CLYBL: variants seen among roughly 807,000 people sequenced by gnomAD.
CLYBL encodes citramalyl-CoA lyase, mitochondrial.
Under a neutral mutation model 38.9 loss-of-function variants are expected in CLYBL, and 31 were observed. The observed-to-expected ratio is 0.80, with a 90% CI of 0.60 to 1.08. CLYBL has a LOEUF of 1.08. CLYBL is among the 50% of genes least tolerant of loss of function. The probability of loss-of-function intolerance (pLI) is 0.00; values close to 1 mark genes in which losing one functional copy is unlikely to be tolerated. For synonymous variants in CLYBL, 171 were observed against 158.6 expected (o/e 1.08, Z -0.59); for missense variants, 434 against 411.6 (o/e 1.05, Z -0.47).
At chr13:99,695,739 GA>G (rs1177142726) in intron 1 of CLYBL, among the ~76,000 whole-genome samples, 5 of 152,072 alleles carry the variant, frequency 3.3e-5, no homozygotes, top group African/African-American at 1.2e-4. Context: ...GGCTGGTCTC[GA>G]ACTCCTGACC....
downstream of CLYBL, chr13:99,892,625 A>G (rs1295951056): frequency 1.3e-5 from 2 of 152,672 alleles, no homozygotes; most frequent in Non-Finnish European, 2.9e-5. Context: ...TAAACTCTAC[A>G]CCAACCTTTT....
At chr13:99,882,296 C>T (rs2052230296) in intron 7 of CLYBL, among the ~76,000 whole-genome samples, 1 of 152,048 alleles carries the variant, frequency 6.6e-6, no homozygotes, top group Admixed American at 6.6e-5. Flanking sequence ...GTACTGAACC[C>T]CATTGTTTGC....
intron 1 of CLYBL, among the ~76,000 whole-genome samples, chr13:99,691,342 G>T (rs1222557384): frequency 1.3e-5 from 2 of 151,948 alleles, no homozygotes; most frequent in African/African-American, 4.8e-5. Context: ...CTAATTTTTA[G>T]ACACAAGTCT....
At chr13:99,762,718 T>A in intron 1 of CLYBL, among the ~76,000 whole-genome samples, 1 of 152,228 alleles carries the variant, frequency 6.6e-6, no homozygotes, top group East Asian at 1.9e-4. Context: ...TCATTGGTAC[T>A]TTGATAGGGA....
intron 1 of CLYBL, among the ~76,000 whole-genome samples, chr13:99,672,456 C>T (rs1391408549): frequency 1.3e-5 from 2 of 152,046 alleles, no homozygotes; most frequent in Non-Finnish European, 2.9e-5. Flanking sequence ...TCTCTGTCAC[C>T]TAGTGTATTT....
At chr13:99,767,285 G>A (rs1017588830) in intron 1 of CLYBL, among the ~76,000 whole-genome samples, 6 of 152,098 alleles carry the variant, frequency 3.9e-5, no homozygotes, top group African/African-American at 1.4e-4. Context: ...GGTCCTTCTG[G>A]TGATAATTTC....
At chr13:99,738,204 G>A (rs1425168715) in intron 1 of CLYBL, among the ~76,000 whole-genome samples, 2 of 152,154 alleles carry the variant, frequency 1.3e-5, no homozygotes, top group African/African-American at 4.8e-5. Context: ...AATTAGGGAT[G>A]GAGTAAATTA....
At chr13:99,873,623 A>C (rs145230360) in intron 7 of CLYBL, among the ~76,000 whole-genome samples, 45 of 152,304 alleles carry the variant, frequency 3.0e-4, no homozygotes, top group African/African-American at 1.1e-3. Context: ...TCCTGCTCTC[A>C]TCTTAAATTA....
At chr13:99,645,132 A>T (rs1470248081) in intron 1 of CLYBL, among the ~76,000 whole-genome samples, 1 of 152,180 alleles carries the variant, frequency 6.6e-6, no homozygotes, top group East Asian at 1.9e-4. Context: ...TTACATTCCC[A>T]TTAACAGTGT....
chr13:99,752,900 C>T (rs948670912), intron 1 of CLYBL, among the ~76,000 whole-genome samples: 1 of 152,138 alleles, frequency 6.6e-6, no homozygotes, highest in Admixed American at 6.5e-5. Flanking sequence ...TCTCTGAACC[C>T]AGTGGAAGAC....
At chr13:99,901,660 T>A (rs1405426487), downstream of CLYBL, among the ~76,000 whole-genome samples, 1 of 108,380 alleles carries the variant, frequency 9.2e-6, no homozygotes, top group Non-Finnish European at 1.9e-5. Context: ...TTTTTTTTGT[T>A]TGTTTGTTTG....
At chr13:99,642,072 C>G (rs9585161) in intron 1 of CLYBL, among the ~76,000 whole-genome samples, 4,280 of 152,292 alleles carry the variant, frequency 0.028, 203 homozygotes, top group African/African-American at 0.097. Context: ...GGGAAGAACA[C>G]TTGTGAGGGT....
intron 1 of CLYBL, among the ~76,000 whole-genome samples, chr13:99,740,503 G>A (rs1371993919): frequency 6.6e-6 from 1 of 152,172 alleles, no homozygotes; most frequent in African/African-American, 2.4e-5. Context: ...TTGTGGCTAC[G>A]TGGGTTCTTA....
intron 7 of CLYBL, among the ~76,000 whole-genome samples, chr13:99,878,922 TA>T (rs2139290123): frequency 6.6e-6 from 1 of 152,326 alleles, no homozygotes; most frequent in Non-Finnish European, 1.5e-5. Flanking sequence ...AGGAAAGTTT[TA>T]AAAATAGAAG....
In CLYBL at chr13:99,863,170, A is replaced by G. The variant is rs185717995; in HGVS notation, c.540+78A>G. Reference sequence around the variant, plus strand: ...GAGAACTTTTGCTTTCAATTTTAACATCTTCTTAAAATGTGTTTCTAGAAA... The same window carrying G: ...GAGAACTTTTGCTTTCAATTTTAACGTCTTCTTAAAATGTGTTTCTAGAAA... On this transcript the variant is annotated intron_variant, in intron 4 of 8. Coordinates refer to ENST00000339105, the MANE Select transcript of CLYBL (RefSeq NM_206808.5). 9.9e-5 allele frequency: 69 copies of G among 696,742 alleles called. No homozygotes were observed. In the African/African-American group the frequency reaches 1.1e-3, roughly 11 times the overall value. 43.2% of individuals were successfully genotyped at this position (696,742 alleles called of 1,614,324 possible).
At chr13:99,641,043 T>C (rs1162457311) in intron 1 of CLYBL, among the ~76,000 whole-genome samples, 1 of 150,812 alleles carries the variant, frequency 6.6e-6, no homozygotes, top group Non-Finnish European at 1.5e-5. Context: ...TTATGAATCA[T>C]ATCACCAAAT....
At chr13:99,726,005 T>C (rs747356291) in intron 1 of CLYBL, among the ~76,000 whole-genome samples, 5 of 152,212 alleles carry the variant, frequency 3.3e-5, no homozygotes, top group Non-Finnish European at 1.5e-5. Flanking sequence ...CAGTTGAGTG[T>C]AGATGGGTTG....
intron 1 of CLYBL, among the ~76,000 whole-genome samples, chr13:99,621,679 C>T (rs2046799400): frequency 6.6e-6 from 1 of 152,194 alleles, no homozygotes. Context: ...CTGTGGGCCA[C>T]ATGTGACCTG....
chr13:99,809,249 T>C (rs137970446), intron 2 of CLYBL, among the ~76,000 whole-genome samples: 4 of 152,294 alleles, frequency 2.6e-5, no homozygotes, highest in Non-Finnish European at 5.9e-5. Flanking sequence ...AATCGTCCTG[T>C]AGAACTGTAT....
Sources: gnomAD v4.1 joint callset for allele counts (sites outside exome capture counted in the v4.1 genomes callset) on GRCh38, gnomAD v4.1.1 for gene constraint, MANE v1.5 for transcripts, NCBI Gene and HGNC (gene_info 2026-07-23, HGNC 2026-07-21) for gene names.